Variants in ETV6 observed in about 807,000 individuals in gnomAD.
ETV6 encodes the protein transcription factor ETV6.
A neutral mutation model predicts 51.1 loss-of-function variants in ETV6; 16 were observed. The ratio of observed to expected loss-of-function variants is 0.31; its 90% CI spans 0.21 to 0.48. The LOEUF (loss-of-function observed/expected upper bound fraction) is 0.48, where lower values mean the gene tolerates loss of function less well. Among genes scored for constraint, ETV6 ranks in the 20% least tolerant of loss-of-function variants. ETV6 has a pLI of 0.99. For synonymous variants in ETV6, 240 were observed against 224.1 expected (o/e 1.07, Z -0.64); for missense variants, 458 against 594.8 (o/e 0.77, Z 2.39).
In ETV6 at chr12:11,709,156, A is replaced by T. The variant is rs187519709; in HGVS notation, c.34-43294A>T. 1.2e-4 allele frequency among the ~76,000 whole-genome samples: 19 copies of T among 152,242 alleles called. No homozygotes were observed. In the East Asian group the frequency reaches 3.7e-3, roughly 29 times the overall value. On this transcript the variant is annotated intron_variant, in intron 1 of 7. Transcript: ENST00000396373. ...AGTTACAAAGCATGATGATACAGTG[A>T]ACACCTATGAACTCACCACCCAACA...
intron 2 of ETV6, among the ~76,000 whole-genome samples, chr12:11,769,184 G>C (rs1945205591): frequency 6.6e-6 from 1 of 152,122 alleles, no homozygotes; most frequent in Non-Finnish European, 1.5e-5. Context: ...TTCTGTGTTT[G>C]ATTTTATTAG....
chr12:11,735,323 C>T (rs180939031), intron 1 of ETV6, among the ~76,000 whole-genome samples: 8 of 152,012 alleles, frequency 5.3e-5, no homozygotes, highest in African/African-American at 1.2e-4. Context: ...GATGTCTCTG[C>T]GAGTTACGGT....
intron 2 of ETV6, among the ~76,000 whole-genome samples, chr12:11,766,583 CA>C (rs2136345855): frequency 6.6e-6 from 1 of 152,340 alleles, no homozygotes; most frequent in East Asian, 1.9e-4. Flanking sequence ...CTCTCGAGAG[CA>C]GCCGGCAGCC....
At chr12:11,775,345 T>A (rs138916787) in intron 2 of ETV6, among the ~76,000 whole-genome samples, 2 of 152,316 alleles carry the variant, frequency 1.3e-5, no homozygotes, top group East Asian at 3.9e-4. Flanking sequence ...GGAAAAAAAC[T>A]TAACTATTCA....
In ETV6 at chr12:11,713,250, C is replaced by T. The variant is rs73288756; in HGVS notation, c.34-39200C>T. Among the ~76,000 whole-genome samples, 1,300 of 152,266 alleles carry T rather than the reference C, an allele frequency of 8.5e-3. 19 individuals are homozygous for T. Among genetic ancestry groups the T allele is most frequent in the African/African-American group, 0.028 (1,178 of 41,528 alleles). On this transcript the variant is annotated intron_variant, in intron 1 of 7. Transcript: ENST00000396373. ...TGAGGATAATGATATTTATCTGATA[C>T]AGTTCTTCTGCCCTAACACATACGT...
At chr12:11,720,913 A>G (rs1005342858) in intron 1 of ETV6, among the ~76,000 whole-genome samples, 1 of 152,246 alleles carries the variant, frequency 6.6e-6, no homozygotes, top group Non-Finnish European at 1.5e-5. Flanking sequence ...GGCAAAGGGC[A>G]TGAACAGACA....
At chr12:11,723,477 AAATT>A (rs1865431291) in intron 1 of ETV6, among the ~76,000 whole-genome samples, 1 of 151,842 alleles carries the variant, frequency 6.6e-6, no homozygotes, top group African/African-American at 2.4e-5. Flanking sequence ...TATTGTGACA[AAATT>A]AATCCATTCT....
chr12:11,674,278 G>A (rs1365920361), intron 1 of ETV6, among the ~76,000 whole-genome samples: 1 of 152,156 alleles, frequency 6.6e-6, no homozygotes, highest in African/African-American at 2.4e-5. Flanking sequence ...GTTCAAATGG[G>A]CGTGTGGAGG....
chr12:11,860,678 G>A (rs6488463), intron 4 of ETV6, among the ~76,000 whole-genome samples: 86,382 of 151,852 alleles, frequency 0.57, 25,901 homozygotes, highest in East Asian at 0.81. Flanking sequence ...ATTTCTGGCT[G>A]TTATTTGGTT....
chr12:11,750,473 G>A (rs1201942745), intron 1 of ETV6, among the ~76,000 whole-genome samples: 2 of 152,210 alleles, frequency 1.3e-5, no homozygotes, highest in Non-Finnish European at 1.5e-5. Context: ...TCAAGGGAAA[G>A]AAGAGTCATT....
chr12:11,708,744 C>G (rs1387325563), intron 1 of ETV6, among the ~76,000 whole-genome samples: 2 of 152,200 alleles, frequency 1.3e-5, no homozygotes, highest in Non-Finnish European at 2.9e-5. Context: ...GCCACTCAAC[C>G]AACCCTGCTT....
At chr12:11,788,392 C>T (rs771176036) in intron 2 of ETV6, among the ~76,000 whole-genome samples, 9 of 152,150 alleles carry the variant, frequency 5.9e-5, no homozygotes, top group Non-Finnish European at 8.8e-5. Context: ...CGAACCACCA[C>T]CTGTTAAAAA....
intron 4 of ETV6, among the ~76,000 whole-genome samples, chr12:11,855,845 C>T (rs1290608233): frequency 2.0e-5 from 3 of 152,116 alleles, no homozygotes; most frequent in Non-Finnish European, 4.4e-5. Context: ...CTCTTCCTGC[C>T]ATGTGCATTT....
intron 2 of ETV6, among the ~76,000 whole-genome samples, chr12:11,778,739 A>G (rs574296286): frequency 6.6e-6 from 1 of 152,296 alleles, no homozygotes; most frequent in African/African-American, 2.4e-5. Context: ...AAATTAGTCC[A>G]GTTATGTACA....
chr12:11,747,446 G>A (rs757911096), intron 1 of ETV6, among the ~76,000 whole-genome samples: 7 of 152,080 alleles, frequency 4.6e-5, no homozygotes, highest in Non-Finnish European at 7.3e-5. Flanking sequence ...TGATTTGGTG[G>A]ATGTGGATTT....
chr12:11,649,780 G>A lies in ETV6; in HGVS notation c.-348G>A, dbSNP rs1260472203. 4.8e-5 allele frequency: 7 copies of A among 146,664 alleles called. No homozygotes were observed. Among genetic ancestry groups the A allele is most frequent in the East Asian group, 3.9e-4 (2 of 5,124 alleles). The allele number at this position is 146,664 out of a possible 1,614,324, so 9.1% of individuals were successfully genotyped here. ...GAAGGAAAACATTCGAGAGAGCGAG[G>A]GAGAGCCGCGGGAGGGCGGGGGGCG... On this transcript the variant is annotated 5_prime_UTR_variant, in exon 1 of 8. Transcript: ENST00000396373.
intron 1 of ETV6, among the ~76,000 whole-genome samples, chr12:11,704,896 A>T (rs1436794078): frequency 6.6e-6 from 1 of 152,204 alleles, no homozygotes; most frequent in Non-Finnish European, 1.5e-5. Flanking sequence ...TTGCCACAAC[A>T]TGGATAGACC....
rs1368582216 is a variant in ETV6 at position 11,893,256 on chromosome 12, A to G, written c.*2210A>G. The G allele has an allele frequency of 8.6e-6, 2 of 232,526 alleles. No homozygotes were observed. The highest frequency in any genetic ancestry group is 2.2e-5 in the African/African-American group (1 of 45,294). 14.4% of individuals were successfully genotyped at this position (232,526 alleles called of 1,614,324 possible). A position where few individuals can be genotyped will look rare whatever the true frequency, so the allele number is the denominator to read the frequency against. On this transcript the variant is annotated 3_prime_UTR_variant, in exon 8 of 8. Coordinates refer to ENST00000396373, the MANE Select transcript of ETV6 (RefSeq NM_001987.5). ...GGGATTTTTTACTGCATCCCTCTGTATGAATATGAAATCAGAGACCAGGGC... is the reference window on the plus strand; with the variant it reads ...GGGATTTTTTACTGCATCCCTCTGTGTGAATATGAAATCAGAGACCAGGGC...
chr12:11,889,341 G>C (rs888463836), intron 7 of ETV6, among the ~76,000 whole-genome samples: 4 of 152,222 alleles, frequency 2.6e-5, no homozygotes, highest in Non-Finnish European at 5.9e-5. Context: ...GAAAGGAATA[G>C]TGCTATTAGT....
Sources: allele counts gnomAD v4.1 joint callset (sites outside exome capture counted in the v4.1 genomes callset), GRCh38; gene constraint gnomAD v4.1.1; transcripts MANE v1.5; gene names NCBI Gene and HGNC (gene_info 2026-07-23, HGNC 2026-07-21).